Variants in TANC1 observed in about 807,000 individuals in gnomAD.
TANC1 encodes the protein protein TANC1.
TANC1 carries 77 observed loss-of-function variants against 149.7 expected under a neutral mutation model. The observed-to-expected ratio is 0.51, with a 90% confidence interval of 0.43 to 0.62. TANC1 has a LOEUF of 0.62. Among genes scored for constraint, TANC1 ranks in the 20% least tolerant of loss-of-function variants. The pLI, the probability that TANC1 is intolerant of heterozygous loss-of-function variation, is 0.00. For missense variants in TANC1, 1,985 were observed against 2,321.8 expected, an observed-to-expected ratio of 0.85 and a Z score of 2.98; for synonymous variants, 854 against 925.0, an observed-to-expected ratio of 0.92 and a Z score of 1.39.
chr2:159,050,880 G>T (rs2041414468), intron 2 of TANC1, among the ~76,000 whole-genome samples: 1 of 152,196 alleles, frequency 6.6e-6, no homozygotes, highest in Non-Finnish European at 1.5e-5. Context: ...TGAATTATCA[G>T]TACATTGAAA....
At chr2:159,164,149 G>A (rs2054338040) in intron 8 of TANC1, among the ~76,000 whole-genome samples, 1 of 152,116 alleles carries the variant, frequency 6.6e-6, no homozygotes, top group South Asian at 2.1e-4. Context: ...GCAACTGTCA[G>A]TAGTCAGACT....
chr2:158,997,186 A>G (rs2036212778), intron 1 of TANC1, among the ~76,000 whole-genome samples: 1 of 152,200 alleles, frequency 6.6e-6, no homozygotes, highest in South Asian at 2.1e-4. Context: ...AAAGTTTCTC[A>G]TGGGACACAG....
At position 159,182,295 on chromosome 2, in the gene TANC1, T is replaced by C. The variant is rs113939046; in HGVS notation, c.2510+3132T>C. On this transcript the variant is annotated intron_variant, in intron 14 of 26. Coordinates refer to ENST00000263635, the MANE Select transcript of TANC1 (RefSeq NM_033394.3). The stretch of plus-strand genomic sequence containing the variant: ...ATTTGCTACATCTGTTTCCTTTTTT[T>C]TTGTTGAAGTATGTTAAATTGTAAA... Among the ~76,000 whole-genome samples, 1,263 of 152,270 alleles carry C rather than the reference T, an allele frequency of 8.3e-3. 10 individuals carry two copies. The highest frequency in any genetic ancestry group is 0.031 in the Middle Eastern group (9 of 294).
intron 5 of TANC1, among the ~76,000 whole-genome samples, chr2:159,139,077 A>T (rs879637189): frequency 1.3e-5 from 2 of 152,130 alleles, no homozygotes; most frequent in Admixed American, 1.3e-4. Flanking sequence ...TTGTTTCTTA[A>T]AGCTTGCAAG....
At chr2:159,101,068 A>G (rs550948773) in intron 4 of TANC1, among the ~76,000 whole-genome samples, 2 of 152,292 alleles carry the variant, frequency 1.3e-5, no homozygotes, top group Admixed American at 1.3e-4. Context: ...GGGTCGTGCC[A>G]TCATTCAGAC....
chr2:159,195,460 G>T (rs56157902), intron 17 of TANC1, among the ~76,000 whole-genome samples: 1 of 152,084 alleles, frequency 6.6e-6, no homozygotes, highest in Admixed American at 6.6e-5. Flanking sequence ...GAATGATATC[G>T]AGCTCACAGT....
chr2:159,055,355 C>G (rs2041773633), intron 2 of TANC1, among the ~76,000 whole-genome samples: 1 of 152,212 alleles, frequency 6.6e-6, no homozygotes, highest in Non-Finnish European at 1.5e-5. Flanking sequence ...GTATCCATAA[C>G]TGCTACACTT....
chr2:159,090,668 G>C (rs1192323802), intron 3 of TANC1, among the ~76,000 whole-genome samples: 1 of 152,226 alleles, frequency 6.6e-6, no homozygotes, highest in Non-Finnish European at 1.5e-5. Context: ...ATTCCATGCA[G>C]ATTGACGGTG....
At chr2:159,183,793 A>T (rs763631541) in intron 14 of TANC1, among the ~76,000 whole-genome samples, 1 of 152,112 alleles carries the variant, frequency 6.6e-6, no homozygotes, top group Non-Finnish European at 1.5e-5. Context: ...TTGGGAATGT[A>T]AGGAGGAGGG....
intron 19 of TANC1, among the ~76,000 whole-genome samples, chr2:159,208,371 C>T (rs904830007): frequency 6.6e-6 from 1 of 152,210 alleles, no homozygotes; most frequent in Non-Finnish European, 1.5e-5. Flanking sequence ...TTTGATCACA[C>T]ACATGAAGTC....
At chr2:158,984,863 C>T (rs898350197) in intron 1 of TANC1, among the ~76,000 whole-genome samples, 6 of 152,136 alleles carry the variant, frequency 3.9e-5, no homozygotes, top group Admixed American at 2.6e-4. Context: ...CTAGAACGGA[C>T]GGTGCTTGGC....
At chr2:158,983,482 A>AAAAAAAAAAAAC (rs1210348941) in intron 1 of TANC1, among the ~76,000 whole-genome samples, 12 of 151,424 alleles carry the variant, frequency 7.9e-5, no homozygotes, top group Admixed American at 1.3e-4. Context: ...AAAAAAAAAA[A>AAAAAAAAAAAAC]AAAAACACCA....
At chr2:159,141,355 T>C (rs982970336) in intron 5 of TANC1, among the ~76,000 whole-genome samples, 1 of 152,202 alleles carries the variant, frequency 6.6e-6, no homozygotes, top group Non-Finnish European at 1.5e-5. Context: ...GGAAAGAGAC[T>C]ACGGTTAAGA....
At chr2:159,157,605 A>C (rs559486776) in intron 7 of TANC1, among the ~76,000 whole-genome samples, 3 of 152,248 alleles carry the variant, frequency 2.0e-5, no homozygotes, top group African/African-American at 7.2e-5. Context: ...GTGAAACCTA[A>C]TTTGGAAAGT....
chr2:159,072,431 C>T (rs367760629), intron 3 of TANC1, among the ~76,000 whole-genome samples: 41 of 152,324 alleles, frequency 2.7e-4, no homozygotes, highest in Admixed American at 8.5e-4. Context: ...CATCCCTGCT[C>T]GATCACCTCC....
At chr2:159,016,000 C>T (rs186080791) in intron 2 of TANC1, among the ~76,000 whole-genome samples, 41 of 152,304 alleles carry the variant, frequency 2.7e-4, no homozygotes, top group African/African-American at 6.3e-4. Context: ...GTTCCAAAGC[C>T]GCTTCCACAT....
At chr2:159,193,175 TG>T (rs145614273) in intron 16 of TANC1, among the ~76,000 whole-genome samples, 8,238 of 152,284 alleles carry the variant, frequency 0.054, 338 homozygotes, top group Non-Finnish European at 0.08. Flanking sequence ...CTACTGTCTG[TG>T]AATTTGATTA....
intron 2 of TANC1, among the ~76,000 whole-genome samples, chr2:159,043,119 T>G (rs2040782989): frequency 6.6e-6 from 1 of 152,214 alleles, no homozygotes; most frequent in African/African-American, 2.4e-5. Context: ...CAATCCCCGG[T>G]CACTCTGCTT....
At chr2:158,991,091 CAAAAAAA>C (rs34411224) in intron 1 of TANC1, among the ~76,000 whole-genome samples, 32 of 70,168 alleles carry the variant, frequency 4.6e-4, no homozygotes, top group South Asian at 5.7e-4. Flanking sequence ...GATCCTGTGT[CAAAAAAA>C]AAAAAAAAAA....
Sources: gnomAD v4.1 joint callset for allele counts (sites outside exome capture counted in the v4.1 genomes callset) on GRCh38, gnomAD v4.1.1 for gene constraint, MANE v1.5 for transcripts, NCBI Gene and HGNC (gene_info 2026-07-23, HGNC 2026-07-21) for gene names.